PHEX: variants seen among roughly 807,000 people sequenced by gnomAD.
PHEX encodes the protein phosphate-regulating neutral endopeptidase PHEX.
A neutral mutation model predicts 68.0 loss-of-function variants in PHEX; 16 were observed. The ratio of observed to expected loss-of-function variants is 0.24; its 90% CI spans 0.16 to 0.36. The LOEUF (loss-of-function observed/expected upper bound fraction) is 0.36. PHEX is among the 10% of genes least tolerant of loss of function. The pLI is 1.00. For missense variants in PHEX, 480 were observed against 575.5 expected, an observed-to-expected ratio of 0.83 and a Z score of 1.70; for synonymous variants, 208 against 205.1, an observed-to-expected ratio of 1.01 and a Z score of -0.12.
intron 15 of PHEX, among the ~76,000 whole-genome samples, chrX:22,200,062 C>T (rs1569425404): frequency 8.9e-6 from 1 of 111,817 alleles, no homozygotes; most frequent in East Asian, 2.8e-4. Flanking sequence ...GCTGAGGAAC[C>T]ATTAATATGC....
intron 12 of PHEX, among the ~76,000 whole-genome samples, chrX:22,142,096 C>CA (rs756832563): frequency 9.0e-6 from 1 of 111,187 alleles, no homozygotes; most frequent in Non-Finnish European, 1.9e-5. Context: ...ACTAAAAATA[C>CA]AAAAAATTAG....
At chrX:22,213,262 T>C (rs773521984) in intron 16 of PHEX, among the ~76,000 whole-genome samples, 9 of 111,997 alleles carry the variant, frequency 8.0e-5, no homozygotes, top group Admixed American at 1.9e-4. Flanking sequence ...TTTGAATTGA[T>C]GGGATGAGTC....
At chrX:22,213,807 T>G (rs145448301) in intron 16 of PHEX, among the ~76,000 whole-genome samples, 4,984 of 112,474 alleles carry the variant, frequency 0.044, 107 homozygotes, top group Non-Finnish European at 0.055. Flanking sequence ...AAGATACAGA[T>G]TCCCATAAAT....
At chrX:22,225,000 G>GCGCTGTATGATTTATTA (rs1935442905) in intron 18 of PHEX, among the ~76,000 whole-genome samples, 1 of 1,013 alleles carries the variant, frequency 9.9e-4, no homozygotes, top group African/African-American at 3.3e-3. Flanking sequence ...TATGTCAGAA[G>GCGCTGTATGATTTATTA]TCTGACATGG....
intron 14 of PHEX, among the ~76,000 whole-genome samples, chrX:22,182,546 A>T (rs1229593967): frequency 9.0e-6 from 1 of 110,709 alleles, no homozygotes; most frequent in African/African-American, 3.3e-5. Flanking sequence ...TGTTAAAACC[A>T]GGTATTGTGA....
intron 18 of PHEX, among the ~76,000 whole-genome samples, chrX:22,224,230 G>C (rs748206397): frequency 2.4e-4 from 27 of 111,664 alleles, no homozygotes; most frequent in Admixed American, 2.0e-3. Context: ...CAATCTGCCC[G>C]CCCCAGCCTC....
At chrX:22,046,511 A>T (rs1195123195) in intron 2 of PHEX, among the ~76,000 whole-genome samples, 1 of 108,167 alleles carries the variant, frequency 9.2e-6, no homozygotes, top group East Asian at 2.9e-4. Context: ...GATGTTAGGG[A>T]TGGCCCTGCA....
chrX:22,058,929 C>T (rs1352767807), intron 3 of PHEX, among the ~76,000 whole-genome samples: 3 of 111,580 alleles, frequency 2.7e-5, no homozygotes, highest in African/African-American at 9.8e-5. Context: ...CTCAGCCTCC[C>T]GAGTAGCTGG....
chrX:22,123,506 T>C (rs1931577516), intron 11 of PHEX, among the ~76,000 whole-genome samples: 1 of 111,849 alleles, frequency 8.9e-6, no homozygotes, highest in South Asian at 3.8e-4. Flanking sequence ...TCTACTCTTA[T>C]TGCTAATATT....
chrX:22,174,146 C>T (rs369091283), intron 13 of PHEX, among the ~76,000 whole-genome samples: 20 of 111,593 alleles, frequency 1.8e-4, no homozygotes, highest in East Asian at 1.4e-3. Flanking sequence ...GGAAATGACA[C>T]AAGAATCCCA....
chrX:22,249,455 A>AAAAAATAT lies in PHEX; in HGVS notation c.*1503_*1504insAAAATATA. On this transcript the variant is annotated 3_prime_UTR_variant, in exon 22 of 22. Coordinates refer to ENST00000379374, the MANE Select transcript of PHEX (RefSeq NM_000444.6). Reference sequence around the variant, plus strand: ...TTGTGATTCTTTTAAAAAAAAAAAAAATATATATATATATATATATATATA... The same window carrying AAAAAATAT: ...TTGTGATTCTTTTAAAAAAAAAAAAAAAAAATATATATATATATATATATATATATATA... 134 of 39,730 alleles carry AAAAAATAT rather than the reference A, an allele frequency of 3.4e-3. No individual in the cohort carries two copies. Among genetic ancestry groups the AAAAAATAT allele is most frequent in the Non-Finnish European group, 4.8e-3 (118 of 24,449 alleles). The allele number at this position is 39,730 out of a possible 1,213,427, so 3.3% of individuals were successfully genotyped here.
In PHEX at chrX:22,248,793, G is replaced by C. The variant is rs1283584064; in HGVS notation, c.*840G>C. 2.7e-5 allele frequency: 3 copies of C among 111,906 alleles called. No individual in the cohort carries two copies. The highest frequency in any genetic ancestry group is 6.5e-5 in the African/African-American group (2 of 30,777). 9.2% of individuals were successfully genotyped at this position (111,906 alleles called of 1,213,427 possible). On this transcript the variant is annotated 3_prime_UTR_variant, in exon 22 of 22. Coordinates refer to ENST00000379374, the MANE Select transcript of PHEX (RefSeq NM_000444.6). ...TATGAACTGCAGTGATTGTCTGTCT[G>C]CTAGACACTTTTTTTTAGCCTAATT...
intron 12 of PHEX, among the ~76,000 whole-genome samples, chrX:22,163,559 A>G (rs1933211789): frequency 8.9e-6 from 1 of 112,070 alleles, no homozygotes; most frequent in Middle Eastern, 4.6e-3. Context: ...TGTATGAATA[A>G]AGCATGAAAA....
intron 6 of PHEX, among the ~76,000 whole-genome samples, chrX:22,092,395 TAG>T (rs1008588016): frequency 8.9e-6 from 1 of 111,798 alleles, no homozygotes; most frequent in Non-Finnish European, 1.9e-5. Flanking sequence ...TCTTTTTAGA[TAG>T]AGTCTCACTG....
chrX:22,148,190 G>A (rs946694680), intron 12 of PHEX, among the ~76,000 whole-genome samples: 3 of 110,996 alleles, frequency 2.7e-5, no homozygotes, highest in Non-Finnish European at 5.7e-5. Context: ...GTGGCTGGAC[G>A]TCCAAGGTGG....
intron 5 of PHEX, among the ~76,000 whole-genome samples, chrX:22,083,299 G>T (rs182444449): frequency 8.9e-6 from 1 of 112,275 alleles, no homozygotes; most frequent in East Asian, 2.8e-4. Flanking sequence ...GTCAGGTAAT[G>T]TGATTCTCCA....
Position 22,241,084 on chromosome X carries a change from C to T in PHEX, c.2071-4249C>T, listed in dbSNP as rs1267840571. 5.4e-5 allele frequency among the ~76,000 whole-genome samples: 6 copies of T among 112,002 alleles called. 1 individual carries two copies. The South Asian group carries it at 1.1e-3, about 21-fold the overall frequency. ...AAATCATAACAAACAGTCTCTCAGA[C>T]CACAGTGCAAACAAATTAGAACTCA... is the stretch of plus-strand genomic sequence containing the variant. On this transcript the variant is annotated intron_variant, in intron 20 of 21. Transcript: ENST00000379374.
chrX:22,186,795 T>C (rs1934046417), intron 14 of PHEX, among the ~76,000 whole-genome samples: 1 of 112,230 alleles, frequency 8.9e-6, no homozygotes, highest in Non-Finnish European at 1.9e-5. Flanking sequence ...GACTGGTTGT[T>C]TGGTTTGCTT....
At chrX:22,075,194 T>G (rs1421498738) in intron 3 of PHEX, among the ~76,000 whole-genome samples, 1 of 110,097 alleles carries the variant, frequency 9.1e-6, no homozygotes, top group Admixed American at 9.8e-5. Context: ...CAACCCAATT[T>G]AATTTATTTC....
Sources: allele counts gnomAD v4.1 joint callset (sites outside exome capture counted in the v4.1 genomes callset), GRCh38; gene constraint gnomAD v4.1.1; transcripts MANE v1.5; gene names NCBI Gene and HGNC (gene_info 2026-07-23, HGNC 2026-07-21).